CHD1: variants seen among roughly 807,000 people sequenced by gnomAD.
CHD1 encodes ATP-dependent chromatin remodeler CHD1.
Under a neutral mutation model 224.2 loss-of-function variants are expected in CHD1, and 36 were observed. That is an observed-to-expected ratio of 0.16 (90% CI 0.12 to 0.21). CHD1 has a LOEUF of 0.21. CHD1 is among the 10% of genes least tolerant of loss of function. The pLI is 1.00. For synonymous variants in CHD1, 668 were observed against 658.3 expected (o/e 1.01, Z -0.23); for missense variants, 1,378 against 1,994.8 (o/e 0.69, Z 5.89).
At chr5:98,861,392 T>C (rs1006204700) in intron 32 of CHD1, among the ~76,000 whole-genome samples, 4 of 152,180 alleles carry the variant, frequency 2.6e-5, no homozygotes, top group African/African-American at 9.7e-5. Context: ...TAGTCTTGCA[T>C]TTCAGTTGTT....
At chr5:98,869,620 G>GCA (rs758302613) in intron 30 of CHD1, 134 bp downstream of exon 30, 30,755 of 748,414 alleles carry the variant, frequency 0.041, 162 homozygotes, top group Non-Finnish European at 0.047. Context: ...GCACGTGCGC[G>GCA]CGCACACACA....
intron 25 of CHD1, 65 bp from the exon 26 acceptor site, chr5:98,873,788 G>T: frequency 1.4e-6 from 2 of 1,444,374 alleles, no homozygotes; most frequent in South Asian, 1.3e-5. Context: ...TTAAGATTAA[G>T]TTTCACTCTA....
Position 98,900,835 on chromosome 5 carries a change from C to T in CHD1, c.835G>A (p.Asp279Asn), listed in dbSNP as rs760071544. 2.5e-6 allele frequency: 4 copies of T among 1,610,820 alleles called. No homozygotes were observed. In the South Asian group the frequency reaches 3.3e-5, roughly 13 times the overall value. ...EEFETIERFMDCRIGRKGATG... is the reference protein window; with the variant it reads ...EEFETIERFMNCRIGRKGATG... Reference sequence around the variant, plus strand: ...CCTCCTTTTCTCCCAATCCGACAATCCATAAATCTTTCTATGGTTTCAAAT... The same window carrying T: ...CCTCCTTTTCTCCCAATCCGACAATTCATAAATCTTTCTATGGTTTCAAAT... The change falls in exon 7 of 36, where the codon GAT becomes AAT. Residue 279 changes from aspartate to asparagine, a missense_variant. Asp to Asn is a conservative substitution (Grantham distance 23, BLOSUM62 1). This residue lies in a region of CHD1 where 40 missense variants were observed against 60.0 expected (regional missense o/e 0.67). Transcript: ENST00000614616.
rs1331900230 is a variant in CHD1, at chr5:98,888,118, T to G, written c.2466A>C (p.Glu822Asp). The part of the protein sequence containing the change: ...QMVRMLDILA[E>D]YLKYRQFPFQ... The stretch of plus-strand genomic sequence containing the variant: ...AGGGGAATTGACGATATTTCAAATA[T>G]TCTGCAAGTATATCTAACATCCGCA... The change falls in exon 17 of 36, where the codon GAA becomes GAC. Residue 822 changes from glutamate (E) to aspartate (D), a missense_variant. By Grantham distance (45) the Glu-to-Asp change is conservative (BLOSUM62 2). This residue lies in a region of CHD1 where 57 missense variants were observed against 177.2 expected (regional missense o/e 0.32). Coordinates refer to ENST00000614616, the MANE Select transcript of CHD1 (RefSeq NM_001270.4). 4 of 1,601,604 alleles carry G rather than the reference T, an allele frequency of 2.5e-6. No homozygotes were observed. The highest frequency in any genetic ancestry group is 3.4e-6 in the Non-Finnish European group (4 of 1,173,160).
chr5:98,858,480 C>T, intron 34 of CHD1, 90 bp from the exon 35 acceptor site: 3 of 1,064,364 alleles, frequency 2.8e-6, no homozygotes, highest in Non-Finnish European at 4.2e-6. Flanking sequence ...TCGTTTCAAC[C>T]CTTGCCAAAA....
rs186176504 is a variant in CHD1 at position 98,927,437 on chromosome 5, C to A, written c.-148-903G>T. ...GAGCAGAGCTGTCCTCCGACCTCAG[C>A]AAAGAGAATTCACTCCTACGATTAT... On this transcript the variant is annotated intron_variant, in intron 1 of 35. Coordinates refer to ENST00000614616, the MANE Select transcript of CHD1 (RefSeq NM_001270.4). Among the ~76,000 whole-genome samples, 3 of 152,180 alleles carry A rather than the reference C, an allele frequency of 2.0e-5. No homozygotes were observed. The East Asian group carries it at 5.8e-4, about 29-fold the overall frequency.
intron 4 of CHD1, 41 bp from the exon 5 acceptor site, chr5:98,903,005 T>C: frequency 8.1e-7 from 1 of 1,234,038 alleles, no homozygotes; most frequent in Non-Finnish European, 1.2e-6. Context: ...CACTAATGAT[T>C]AGAATTTAAC....
Position 98,879,567 on chromosome 5 carries a change from T to C in CHD1, c.3222A>G (p.Arg1074=). Residue 1074 remains arginine (R), a synonymous_variant, in exon 23 of 36, where the codon AGA becomes AGG. Transcript: ENST00000614616. ...GCAAAATCACCTGTTTTGCACAATTTCTCATTCTTGGGAGCATATAAATTT... is the reference window on the plus strand; with the variant it reads ...GCAAAATCACCTGTTTTGCACAATTCCTCATTCTTGGGAGCATATAAATTT... ...LEEIYMLPRM[R]NCAKQISFNG... is the part of the protein sequence containing the mutation. 6.3e-7 allele frequency: 1 copy of C among 1,591,372 alleles called. No homozygotes were observed. Among genetic ancestry groups the C allele is most frequent in the Non-Finnish European group, 8.5e-7 (1 of 1,174,780 alleles).
chr5:98,900,698 G>A (rs961626665), intron 7 of CHD1, 113 bp downstream of exon 7: 45 of 885,928 alleles, frequency 5.1e-5, no homozygotes, highest in Middle Eastern at 3.0e-4. Flanking sequence ...CTGATCCATC[G>A]GCCTCGGCCC....
intron 28 of CHD1, 99 bp downstream of exon 28, chr5:98,871,952 T>C: frequency 8.8e-7 from 1 of 1,140,094 alleles, no homozygotes; most frequent in East Asian, 2.5e-5. Context: ...AGTGCCTTGG[T>C]TTCCAGATTT....
At chr5:98,916,571 G>A (rs113046912) in intron 2 of CHD1, among the ~76,000 whole-genome samples, 14 of 136,988 alleles carry the variant, frequency 1.0e-4, no homozygotes, top group South Asian at 2.3e-4. Context: ...AAAAAAAAAA[G>A]GTTTAAAAAT....
At chr5:98,872,674 A>G in intron 26 of CHD1, 119 bp from the exon 27 acceptor site, 1 of 834,960 alleles carries the variant, frequency 1.2e-6, no homozygotes, top group Non-Finnish European at 1.9e-6. Flanking sequence ...TATTTATATT[A>G]TTAAGAGATT....
At chr5:98,882,442 G>A (rs1381179110) in intron 19 of CHD1, among the ~76,000 whole-genome samples, 1 of 150,170 alleles carries the variant, frequency 6.7e-6, no homozygotes, top group African/African-American at 2.4e-5. Flanking sequence ...GTAAACTTCT[G>A]ATAGCCTTCT....
chr5:98,894,749 C>A, intron 12 of CHD1, 63 bp from the exon 13 acceptor site: 1 of 671,384 alleles, frequency 1.5e-6, no homozygotes. Flanking sequence ...CTTTTACTTA[C>A]ATATCTAAAA....
intron 2 of CHD1, among the ~76,000 whole-genome samples, chr5:98,914,226 T>G (rs1241611129): frequency 6.6e-6 from 1 of 152,158 alleles, no homozygotes; most frequent in Admixed American, 6.5e-5. Context: ...CCCTGCTAGC[T>G]GAAAAGGGCA....
intron 3 of CHD1, among the ~76,000 whole-genome samples, chr5:98,904,430 T>C (rs1334870057): frequency 2.6e-5 from 4 of 152,230 alleles, no homozygotes; most frequent in Non-Finnish European, 4.4e-5. Context: ...GTATCTCTTG[T>C]AGTTTTTTCC....
At chr5:98,908,188 A>G (rs966102275) in intron 2 of CHD1, among the ~76,000 whole-genome samples, 56 of 152,160 alleles carry the variant, frequency 3.7e-4, no homozygotes, top group African/African-American at 1.3e-3. Flanking sequence ...GGCAAGCTAC[A>G]TGTAATTCTC....
chr5:98,906,037 G>C (rs967034544), intron 2 of CHD1, among the ~76,000 whole-genome samples: 1 of 152,114 alleles, frequency 6.6e-6, no homozygotes, highest in Non-Finnish European at 1.5e-5. Flanking sequence ...GTCCTCTTCT[G>C]TAATTTTCTA....
At chr5:98,859,509 T>C (rs567723955) in intron 33 of CHD1, among the ~76,000 whole-genome samples, 18 of 152,214 alleles carry the variant, frequency 1.2e-4, no homozygotes, top group Admixed American at 1.1e-3. Flanking sequence ...CTTAACACTT[T>C]AGAAGAGTAG....
Sources: allele counts gnomAD v4.1 joint callset (sites outside exome capture counted in the v4.1 genomes callset), GRCh38; gene constraint gnomAD v4.1.1; regional missense constraint gnomAD v4.1.1; transcripts MANE v1.5; gene names NCBI Gene and HGNC (gene_info 2026-07-23, HGNC 2026-07-21).